Variants in TNFAIP8 observed in about 807,000 individuals in gnomAD.
TNFAIP8 encodes the protein tumor necrosis factor alpha-induced protein 8.
A neutral mutation model predicts 13.3 loss-of-function variants in TNFAIP8; 7 were observed. The ratio of observed to expected loss-of-function variants is 0.52; its 90% CI spans 0.30 to 0.99. The LOEUF (loss-of-function observed/expected upper bound fraction) is 0.99, where lower values mean the gene tolerates loss of function less well. Ranked by LOEUF, TNFAIP8 falls within the 50% of genes least tolerant of loss-of-function variation. The pLI, the probability that TNFAIP8 is intolerant of heterozygous loss-of-function variation, is 0.07. For synonymous variants in TNFAIP8, 94 were observed against 87.6 expected (o/e 1.07, Z -0.41); for missense variants, 258 against 236.9 (o/e 1.09, Z -0.58).
intron 1 of TNFAIP8, among the ~76,000 whole-genome samples, chr5:119,301,352 T>A (rs1319786452): frequency 6.6e-6 from 1 of 152,170 alleles, no homozygotes; most frequent in Non-Finnish European, 1.5e-5. Flanking sequence ...GTGACTATAA[T>A]TCCCTTGTCC....
intron 1 of TNFAIP8, among the ~76,000 whole-genome samples, chr5:119,338,460 G>C (rs1035548628): frequency 6.6e-6 from 1 of 152,150 alleles, no homozygotes; most frequent in Non-Finnish European, 1.5e-5. Flanking sequence ...CCAGCCTTAG[G>C]ACTCTGCTCT....
At position 119,376,313 on chromosome 5, in the gene TNFAIP8, CCATG is replaced by C. The variant is rs1364320134; in HGVS notation, c.32-16501_32-16498del. ...TATTTTTAGTAGAGATGGGCTTTCACCATGCTGGCCAGGCTGGTCTCGAACTGCT... is the reference window on the plus strand; with the variant it reads ...TATTTTTAGTAGAGATGGGCTTTCACCTGGCCAGGCTGGTCTCGAACTGCT... On this transcript the variant is annotated intron_variant, in intron 1 of 1. Coordinates refer to ENST00000504771, the MANE Select transcript of TNFAIP8 (RefSeq NM_014350.4). 3.9e-5 allele frequency among the ~76,000 whole-genome samples: 6 copies of C among 152,018 alleles called. No homozygotes were observed. In the South Asian group the frequency reaches 1.2e-3, roughly 32 times the overall value.
At chr5:119,346,964 G>A (rs948258514) in intron 1 of TNFAIP8, among the ~76,000 whole-genome samples, 1 of 152,098 alleles carries the variant, frequency 6.6e-6, no homozygotes, top group Non-Finnish European at 1.5e-5. Context: ...AATTGTATGG[G>A]GTCAGTATTA....
intron 1 of TNFAIP8, among the ~76,000 whole-genome samples, chr5:119,384,661 C>T (rs949271665): frequency 6.6e-6 from 1 of 152,100 alleles, no homozygotes; most frequent in African/African-American, 2.4e-5. Flanking sequence ...CTTTGGGTAA[C>T]CACAAAATTC....
In TNFAIP8 at chr5:119,350,952, T is replaced by TTGTGTGTG. The variant is rs35633858; in HGVS notation, c.2-41844_2-41837dup. The stretch of plus-strand genomic sequence containing the variant: ...TACAATTTTTTAACTCTATGTGTAT[T>TTGTGTGTG]TGTGTGTGTGTGTGTGTGTGTGTGT... On this transcript the variant is annotated intron_variant, in intron 1 of 1. Coordinates refer to the TNFAIP8 transcript ENST00000274456. 2.2e-3 allele frequency among the ~76,000 whole-genome samples: 323 copies of TTGTGTGTG among 144,794 alleles called. 5 individuals carry two copies. Among genetic ancestry groups the TTGTGTGTG allele is most frequent in the African/African-American group, 5.4e-3 (208 of 38,694 alleles). 95.0% of individuals were successfully genotyped at this position (144,794 alleles called of 152,430 possible).
rs1208288195 is a variant in TNFAIP8, at chr5:119,397,929, C to G, written c.*4548C>G. The G allele has an allele frequency of 6.6e-6, 1 of 152,198 alleles. No homozygotes were observed. The highest frequency in any genetic ancestry group is 1.5e-5 in the Non-Finnish European group (1 of 68,042). 9.4% of individuals were successfully genotyped at this position (152,198 alleles called of 1,614,324 possible). On this transcript the variant is annotated 3_prime_UTR_variant, in exon 2 of 2. Coordinates refer to ENST00000504771, the MANE Select transcript of TNFAIP8 (RefSeq NM_014350.4). ...TGTCTCACCAAAGATGTGTTTTCCA[C>G]GTAGCAAAGAACATCAGCCCCACGT...
At chr5:119,296,912 G>GT (rs1216541259) in intron 1 of TNFAIP8, among the ~76,000 whole-genome samples, 3 of 151,826 alleles carry the variant, frequency 2.0e-5, no homozygotes, top group African/African-American at 7.3e-5. Flanking sequence ...GTTTATTTGC[G>GT]TAGAGGTGTT....
At chr5:119,357,138 G>A (rs1225577757) in intron 1 of TNFAIP8, among the ~76,000 whole-genome samples, 1 of 152,154 alleles carries the variant, frequency 6.6e-6, no homozygotes, top group Non-Finnish European at 1.5e-5. Flanking sequence ...CCCTCCCAGA[G>A]GAAAGCTTTG....
chr5:119,392,129 G>A (rs1189423495), intron 1 of TNFAIP8, among the ~76,000 whole-genome samples: 1 of 152,218 alleles, frequency 6.6e-6, no homozygotes, highest in South Asian at 2.1e-4. Context: ...TCTCCAAGGA[G>A]CACTTCTTTT....
intron 1 of TNFAIP8, among the ~76,000 whole-genome samples, chr5:119,271,720 A>T (rs1368761546): frequency 6.6e-6 from 1 of 152,178 alleles, no homozygotes; most frequent in Non-Finnish European, 1.5e-5. Context: ...CTGCTTTGGC[A>T]TTCTCAGGGA....
intron 1 of TNFAIP8, among the ~76,000 whole-genome samples, chr5:119,365,676 ACT>A (rs1751823623): frequency 6.6e-6 from 1 of 152,216 alleles, no homozygotes. Flanking sequence ...ATATTAGTGC[ACT>A]GAGTGTTCTT....
rs543470200 is a variant in TNFAIP8, at chr5:119,270,370, A to G, written c.1+1463A>G. ...TTATCACGTTTGATGAAACACTTAG[A>G]CACGTTTATTGCCACCGTCTAATTA... On this transcript the variant is annotated intron_variant, in intron 1 of 1. Coordinates refer to the TNFAIP8 transcript ENST00000274456. Among the ~76,000 whole-genome samples, 14 of 152,340 alleles carry G rather than the reference A, an allele frequency of 9.2e-5. No homozygotes were observed. In the South Asian group the frequency reaches 2.1e-3, roughly 23 times the overall value.
At chr5:119,374,995 A>G (rs1283060938) in intron 1 of TNFAIP8, among the ~76,000 whole-genome samples, 1 of 152,078 alleles carries the variant, frequency 6.6e-6, no homozygotes, top group African/African-American at 2.4e-5. Context: ...TATAGTAAAA[A>G]CCACTGAATT....
upstream of TNFAIP8, among the ~76,000 whole-genome samples, chr5:119,351,788 C>CTTTTT (rs1177061965): frequency 4.1e-4 from 57 of 138,248 alleles, 2 homozygotes; most frequent in African/African-American, 1.1e-3. Context: ...TTTTCTTTTT[C>CTTTTT]TTTTTTTCTT....
At chr5:119,335,996 T>TG (rs1382385522) in intron 1 of TNFAIP8, among the ~76,000 whole-genome samples, 1 of 151,762 alleles carries the variant, frequency 6.6e-6, no homozygotes, top group Non-Finnish European at 1.5e-5. Flanking sequence ...GTGGATATCC[T>TG]GGGGGAAGAA....
At position 119,312,745 on chromosome 5, in the gene TNFAIP8, C is replaced by CAAAAAAAA. The variant is rs869226026; in HGVS notation, c.1+43853_1+43860dup. On this transcript the variant is annotated intron_variant, in intron 1 of 1. Transcript: ENST00000274456. Reference sequence around the variant, plus strand: ...TGAAACCCTGTCCCTGCAAAAAATACAAAAAAAAAAAAAAAAAAAAAAGAA... The same window carrying CAAAAAAAA: ...TGAAACCCTGTCCCTGCAAAAAATACAAAAAAAAAAAAAAAAAAAAAAAAAAAAAAGAA... 2.3e-3 allele frequency among the ~76,000 whole-genome samples: 100 copies of CAAAAAAAA among 43,362 alleles called. 1 individual carries two copies. The highest frequency in any genetic ancestry group is 4.9e-3 in the African/African-American group (60 of 12,302). The allele number at this position is 43,362 out of a possible 152,430, so 28.4% of individuals were successfully genotyped here. A position where few individuals can be genotyped will look rare whatever the true frequency, so the allele number is the denominator to read the frequency against.
chr5:119,356,774 G>A (rs1264573889), intron 1 of TNFAIP8, among the ~76,000 whole-genome samples: 3 of 145,754 alleles, frequency 2.1e-5, no homozygotes, highest in African/African-American at 7.3e-5. Flanking sequence ...GAGAACAGGT[G>A]ACAGGGCTGG....
chr5:119,303,099 A>G (rs1481818867), intron 1 of TNFAIP8, among the ~76,000 whole-genome samples: 1 of 152,118 alleles, frequency 6.6e-6, no homozygotes, highest in Admixed American at 6.5e-5. Flanking sequence ...ACCACACACT[A>G]GGAAATGAGG....
chr5:119,292,645 CATATATATATATATATAT>C lies in TNFAIP8; in HGVS notation c.1+23762_1+23779del, dbSNP rs56896742. 6.7e-4 allele frequency among the ~76,000 whole-genome samples: 22 copies of C among 32,832 alleles called. 1 individual carries two copies. Among genetic ancestry groups the C allele is most frequent in the Non-Finnish European group, 1.3e-3 (14 of 11,054 alleles). 21.5% of individuals were successfully genotyped at this position (32,832 alleles called of 152,430 possible). ...ATTAGTGAATGAATAATCAATGTAG[CATATATATATATATATAT>C]ATATATATATATATATATATATACA... On this transcript the variant is annotated intron_variant, in intron 1 of 1. Coordinates refer to the TNFAIP8 transcript ENST00000274456.
Sources: allele counts gnomAD v4.1 joint callset (sites outside exome capture counted in the v4.1 genomes callset), GRCh38; gene constraint gnomAD v4.1.1; transcripts MANE v1.5; gene names NCBI Gene and HGNC (gene_info 2026-07-23, HGNC 2026-07-21).